Variants in DIAPH2 observed in about 807,000 individuals in gnomAD.
DIAPH2 encodes the protein diaphanous related formin 2, also known as protein diaphanous homolog 2.
DIAPH2 carries 35 observed loss-of-function variants against 92.7 expected under a neutral mutation model. The ratio of observed to expected loss-of-function variants is 0.38; its 90% CI spans 0.29 to 0.50. The LOEUF (loss-of-function observed/expected upper bound fraction) is 0.50, where lower values mean the gene tolerates loss of function less well. DIAPH2 is among the 20% of genes least tolerant of loss of function. The pLI, the probability that DIAPH2 is intolerant of heterozygous loss-of-function variation, is 0.94. For synonymous variants in DIAPH2, 301 were observed against 280.4 expected (o/e 1.07, Z -0.73); for missense variants, 701 against 819.5 (o/e 0.86, Z 1.77).
rs142640959 is a variant in DIAPH2 at position 97,354,040 on chromosome X, C to A, written c.3009+5760C>A. Among the ~76,000 whole-genome samples, 664 of 110,661 alleles carry A rather than the reference C, an allele frequency of 6.0e-3. 3 individuals are homozygous for A. Among genetic ancestry groups the A allele is most frequent in the African/African-American group, 0.021 (628 of 30,443 alleles). Reference sequence around the variant, plus strand: ...GTGTTGCCCAGGCTTATCTTGTTTTCCTGGCCTCAAGCAATCCTCCTGCCT... The same window carrying A: ...GTGTTGCCCAGGCTTATCTTGTTTTACTGGCCTCAAGCAATCCTCCTGCCT... On this transcript the variant is annotated intron_variant, in intron 24 of 26. Coordinates refer to ENST00000324765, the MANE Select transcript of DIAPH2 (RefSeq NM_006729.5).
chrX:96,977,773 T>C (rs1481655951), intron 17 of DIAPH2, among the ~76,000 whole-genome samples: 1 of 110,370 alleles, frequency 9.1e-6, no homozygotes, highest in Non-Finnish European at 1.9e-5. Context: ...AACCTCTGCC[T>C]CCCGGGTTCA....
intron 3 of DIAPH2, among the ~76,000 whole-genome samples, chrX:96,744,703 T>C (rs748432877): frequency 6.2e-4 from 70 of 112,338 alleles, no homozygotes; most frequent in Non-Finnish European, 1.2e-3. Context: ...TCACAGTTGA[T>C]TGGGAGAAAG....
At chrX:97,491,168 C>T (rs1177000010) in intron 26 of DIAPH2, among the ~76,000 whole-genome samples, 1 of 110,941 alleles carries the variant, frequency 9.0e-6, no homozygotes, top group African/African-American at 3.3e-5. Flanking sequence ...TGACCTTTTT[C>T]GCCTCTATGT....
chrX:97,141,923 AAT>A, intron 22 of DIAPH2, 129 bp downstream of exon 22: 3 of 744,701 alleles, frequency 4.0e-6, no homozygotes. Flanking sequence ...AAAGCAGGAA[AAT>A]AGTTTCCATT....
chrX:97,046,447 ATTAG>A (rs769634045), intron 17 of DIAPH2, among the ~76,000 whole-genome samples: 8 of 111,118 alleles, frequency 7.2e-5, no homozygotes, highest in Non-Finnish European at 1.3e-4. Context: ...CTATTTTCTC[ATTAG>A]TTAGGCAGCA....
At chrX:97,294,829 A>G (rs749228358) in intron 23 of DIAPH2, among the ~76,000 whole-genome samples, 2 of 111,813 alleles carry the variant, frequency 1.8e-5, no homozygotes, top group East Asian at 2.8e-4. Flanking sequence ...TGTTTTCTTT[A>G]CGCCATCACT....
intron 23 of DIAPH2, among the ~76,000 whole-genome samples, chrX:97,322,900 G>GTTT (rs2068910939): frequency 1.2e-5 from 1 of 86,890 alleles, no homozygotes; most frequent in African/African-American, 4.5e-5. Flanking sequence ...GTTTATCCCA[G>GTTT]TTCTTTTTTT....
chrX:97,110,012 T>C, intron 20 of DIAPH2, among the ~76,000 whole-genome samples: 1 of 111,900 alleles, frequency 8.9e-6, no homozygotes, highest in East Asian at 2.8e-4. Context: ...GTTAATTCCC[T>C]AACATTTCTG....
intron 17 of DIAPH2, among the ~76,000 whole-genome samples, chrX:97,064,229 A>G (rs1003439248): frequency 2.7e-5 from 3 of 111,636 alleles, no homozygotes; most frequent in Non-Finnish European, 5.6e-5. Context: ...GATATCTAAA[A>G]TTTGTCTCAA....
intron 8 of DIAPH2, 102 bp from the exon 9 acceptor site, chrX:96,918,407 A>G: frequency 2.0e-6 from 1 of 504,643 alleles, no homozygotes; most frequent in Non-Finnish European, 3.2e-6. Context: ...ATATATAAAC[A>G]TCAAATACCA....
chrX:97,249,659 A>G (rs921112434), intron 23 of DIAPH2, among the ~76,000 whole-genome samples: 1 of 112,208 alleles, frequency 8.9e-6, no homozygotes, highest in African/African-American at 3.2e-5. Context: ...GAGAGTTTCT[A>G]TCTTCTAGAA....
intron 22 of DIAPH2, among the ~76,000 whole-genome samples, chrX:97,236,693 C>A (rs988815771): frequency 2.8e-5 from 3 of 108,785 alleles, no homozygotes; most frequent in African/African-American, 1.0e-4. Flanking sequence ...TACAGGTGCC[C>A]GCAACCACGC....
intron 23 of DIAPH2, among the ~76,000 whole-genome samples, chrX:97,327,612 G>A (rs369957342): frequency 2.7e-5 from 3 of 111,208 alleles, no homozygotes; most frequent in African/African-American, 9.8e-5. Flanking sequence ...GCTAATTTTT[G>A]TATTTTTAGT....
intron 23 of DIAPH2, among the ~76,000 whole-genome samples, chrX:97,300,560 T>A (rs2068684318): frequency 9.3e-6 from 1 of 107,570 alleles, no homozygotes; most frequent in Non-Finnish European, 1.9e-5. Context: ...CTTTTACCTT[T>A]CCAAGTCCAA....
intron 7 of DIAPH2, among the ~76,000 whole-genome samples, chrX:96,913,579 C>A (rs1399210471): frequency 1.1e-4 from 12 of 111,007 alleles, no homozygotes; most frequent in African/African-American, 3.6e-4. Context: ...ATTTAAATGT[C>A]GTTTGTTGAA....
chrX:96,875,471 T>A (rs1171487744), intron 4 of DIAPH2, among the ~76,000 whole-genome samples: 1 of 111,973 alleles, frequency 8.9e-6, no homozygotes, highest in Non-Finnish European at 1.9e-5. Flanking sequence ...CTTATTTAAA[T>A]TTTTTTGGGA....
intron 16 of DIAPH2, among the ~76,000 whole-genome samples, chrX:96,962,330 TATATATAC>T (rs1156993873): frequency 1.9e-4 from 9 of 46,641 alleles, no homozygotes; most frequent in East Asian, 1.8e-3. Context: ...TATACACATA[TATATATAC>T]ATATATATAT....
chrX:96,918,427 CAG>C, intron 8 of DIAPH2, 80 bp from the exon 9 acceptor site: 1 of 565,909 alleles, frequency 1.8e-6, no homozygotes, highest in East Asian at 3.9e-5. Flanking sequence ...AGAAAGAAAA[CAG>C]GGAATACTGA....
chrX:97,118,201 C>T (rs1339411159), intron 21 of DIAPH2, among the ~76,000 whole-genome samples: 1 of 111,629 alleles, frequency 9.0e-6, no homozygotes, highest in African/African-American at 3.3e-5. Flanking sequence ...AAAAGAACAG[C>T]AACTGTGACA....
Sources: allele counts gnomAD v4.1 joint callset (sites outside exome capture counted in the v4.1 genomes callset), GRCh38; gene constraint gnomAD v4.1.1; transcripts MANE v1.5; gene names NCBI Gene and HGNC (gene_info 2026-07-23, HGNC 2026-07-21).